MICAL2: variants seen among roughly 807,000 people sequenced by gnomAD.
MICAL2 encodes microtubule associated monooxygenase, calponin and LIM domain containing 2.
Under a neutral mutation model 127.3 loss-of-function variants are expected in MICAL2, and 77 were observed. The ratio of observed to expected loss-of-function variants is 0.60; its 90% CI spans 0.50 to 0.73. The LOEUF is 0.73. Among genes scored for constraint, MICAL2 ranks in the 30% least tolerant of loss-of-function variants. MICAL2 has a pLI of 0.00. For synonymous variants in MICAL2, 570 were observed against 551.1 expected, an observed-to-expected ratio of 1.03 and a Z score of -0.48; for missense variants, 1,351 against 1,434.4, an observed-to-expected ratio of 0.94 and a Z score of 0.94.
intron 32 of MICAL2, among the ~76,000 whole-genome samples, chr11:12,343,934 T>C (rs946451438): frequency 3.3e-5 from 5 of 152,194 alleles, no homozygotes; most frequent in East Asian, 1.9e-4. Context: ...AGATGGAACA[T>C]AGAACAGTGT....
At chr11:12,246,951 AAT>A (rs1860840754) in intron 21 of MICAL2, among the ~76,000 whole-genome samples, 1 of 152,162 alleles carries the variant, frequency 6.6e-6, no homozygotes, top group Non-Finnish European at 1.5e-5. Flanking sequence ...CCTATGAAAA[AAT>A]TAGAGCTGGT....
intron 19 of MICAL2, 95 bp from the exon 20 acceptor site, chr11:12,242,576 C>T: frequency 6.9e-7 from 1 of 1,442,800 alleles, no homozygotes; most frequent in African/African-American, 1.4e-5. Flanking sequence ...CAGGCAAGGC[C>T]CCCGGCTGCC....
At chr11:12,357,380 A>G (rs1939144627) in intron 34 of MICAL2, among the ~76,000 whole-genome samples, 2 of 152,202 alleles carry the variant, frequency 1.3e-5, no homozygotes, top group South Asian at 4.1e-4. Flanking sequence ...TATCTCCCCC[A>G]GGCAACCAAA....
At chr11:12,197,468 T>C (rs1436989459) in intron 3 of MICAL2, 2 of 152,246 alleles carry the variant, frequency 1.3e-5, no homozygotes, top group Non-Finnish European at 2.9e-5. Context: ...ACTATTATTA[T>C]TCTTGGTCTT....
chr11:12,120,774 G>A (rs1352493088), intron 1 of MICAL2, among the ~76,000 whole-genome samples: 1 of 152,200 alleles, frequency 6.6e-6, no homozygotes, highest in African/African-American at 2.4e-5. Flanking sequence ...GAGGCATGGA[G>A]AGCCCTGAGT....
At chr11:12,125,999 C>T (rs1850890490) in intron 1 of MICAL2, among the ~76,000 whole-genome samples, 1 of 152,186 alleles carries the variant, frequency 6.6e-6, no homozygotes, top group Non-Finnish European at 1.5e-5. Context: ...ACCTGGGCCT[C>T]AGCTCCTCAG....
At chr11:12,236,807 C>A (rs1271300225) in intron 16 of MICAL2, among the ~76,000 whole-genome samples, 1 of 151,538 alleles carries the variant, frequency 6.6e-6, no homozygotes, top group Non-Finnish European at 1.5e-5. Flanking sequence ...TCAGTTCTTG[C>A]TTCCCTGGGC....
At chr11:12,182,080 G>T (rs1857545448) in intron 3 of MICAL2, among the ~76,000 whole-genome samples, 1 of 152,178 alleles carries the variant, frequency 6.6e-6, no homozygotes, top group Non-Finnish European at 1.5e-5. Flanking sequence ...TATTATAAGT[G>T]AATAATTATT....
intron 32 of MICAL2, among the ~76,000 whole-genome samples, chr11:12,345,116 C>CAA (rs796748173): frequency 4.5e-5 from 5 of 110,542 alleles, no homozygotes; most frequent in African/African-American, 1.0e-4. Context: ...GAATCCATCT[C>CAA]AAAAAAAAAA....
intron 1 of MICAL2, among the ~76,000 whole-genome samples, chr11:12,126,259 G>GT (rs1252176751): frequency 6.6e-6 from 1 of 152,190 alleles, no homozygotes; most frequent in Non-Finnish European, 1.5e-5. Flanking sequence ...TTACACCATG[G>GT]TTTTTTCCTC....
chr11:12,319,685 T>C, intron 29 of MICAL2: 1 of 1,592,900 alleles, frequency 6.3e-7, no homozygotes, highest in Non-Finnish European at 8.6e-7. Context: ...GTTTTTCTGT[T>C]CCCATTTCAG....
At chr11:12,184,827 G>T (rs1168245964) in intron 3 of MICAL2, among the ~76,000 whole-genome samples, 1 of 151,808 alleles carries the variant, frequency 6.6e-6, no homozygotes, top group African/African-American at 2.4e-5. Context: ...CACACAGATT[G>T]CTCAAAGGAA....
chr11:12,121,574 T>C (rs1344671063), intron 1 of MICAL2: 3 of 151,844 alleles, frequency 2.0e-5, no homozygotes, highest in Non-Finnish European at 4.4e-5. Context: ...TTGAGTTTCC[T>C]TCTCTAGTTG....
intron 3 of MICAL2, among the ~76,000 whole-genome samples, chr11:12,169,146 G>GA (rs1213117745): frequency 6.6e-6 from 1 of 151,904 alleles, no homozygotes; most frequent in Non-Finnish European, 1.5e-5. Context: ...TGACCTTCCT[G>GA]AAAATCTCTG....
Position 12,140,216 on chromosome 11 carries a change from C to T in MICAL2, c.-78+1756C>T, listed in dbSNP as rs182520572. Among the ~76,000 whole-genome samples the T allele has an allele frequency of 1.3e-4, 20 of 152,344 alleles. No individual in the cohort carries two copies. In the East Asian group the frequency reaches 3.7e-3, roughly 28 times the overall value. ...TCATGTTGTATCATTATTATTTACA[C>T]TTCATATTTCTTTGCACTTTATGTT... On this transcript the variant is annotated intron_variant, in intron 2 of 27. Coordinates refer to ENST00000683283, the MANE Select transcript of MICAL2 (RefSeq NM_001282663.2).
chr11:12,178,622 C>T (rs1857097491), intron 3 of MICAL2, among the ~76,000 whole-genome samples: 1 of 151,998 alleles, frequency 6.6e-6, no homozygotes, highest in South Asian at 2.1e-4. Context: ...AGCTAAGATT[C>T]GTGTTACCTA....
Position 12,303,748 on chromosome 11 carries a change from A to G in MICAL2, c.5212+8891A>G, listed in dbSNP as rs1005417710. On this transcript the variant is annotated intron_variant, in intron 29 of 34. Transcript: ENST00000646065. Reference sequence around the variant, plus strand: ...TTAGCCCTTTTGTCATTGATTTGTAATCTGTATAGATTCTGGATATAAGTC... The same window carrying G: ...TTAGCCCTTTTGTCATTGATTTGTAGTCTGTATAGATTCTGGATATAAGTC... 3 of 152,252 alleles carry G rather than the reference A, an allele frequency of 2.0e-5. No homozygotes were observed. The East Asian group carries it at 5.8e-4, about 29-fold the overall frequency. 9.4% of individuals were successfully genotyped at this position (152,252 alleles called of 1,614,324 possible).
At chr11:12,224,898 T>A in intron 13 of MICAL2, 78 bp downstream of exon 13, 1 of 1,497,334 alleles carries the variant, frequency 6.7e-7, no homozygotes, top group Non-Finnish European at 9.1e-7. Context: ...TCTTCATTAC[T>A]TGGTTCAATA....
downstream of MICAL2, among the ~76,000 whole-genome samples, chr11:12,267,748 C>T (rs1454994611): frequency 4.6e-5 from 7 of 152,148 alleles, no homozygotes; most frequent in African/African-American, 1.7e-4. Flanking sequence ...ACTACAGGCA[C>T]CCGCCACCAC....
Sources: allele counts gnomAD v4.1 joint callset (sites outside exome capture counted in the v4.1 genomes callset), GRCh38; gene constraint gnomAD v4.1.1; transcripts MANE v1.5; gene names NCBI Gene and HGNC (gene_info 2026-07-23, HGNC 2026-07-21).